The following PLPPR1 variants were observed in gnomAD, a reference collection of about 807,000 sequenced individuals.
PLPPR1 encodes the protein phospholipid phosphatase related 1, also known as phospholipid phosphatase-related protein type 1.
Under a neutral mutation model 33.1 loss-of-function variants are expected in PLPPR1, and 10 were observed. The ratio of observed to expected loss-of-function variants is 0.30; its 90% confidence interval spans 0.19 to 0.51. The LOEUF (loss-of-function observed/expected upper bound fraction) is 0.51. Among genes scored for constraint, PLPPR1 ranks in the 20% least tolerant of loss-of-function variants. The pLI is 0.97. For missense variants in PLPPR1, 304 were observed against 408.1 expected (o/e 0.74, Z 2.20); for synonymous variants, 151 against 151.0 (o/e 1.00, Z 0.00).
chr9:101,038,676 A>G (rs1032809117), intron 1 of PLPPR1, among the ~76,000 whole-genome samples: 4 of 152,118 alleles, frequency 2.6e-5, no homozygotes, highest in Non-Finnish European at 5.9e-5. Context: ...CAACCCCCAC[A>G]TCAAGAAGAG....
At chr9:101,292,227 G>A (rs1387007225) in intron 4 of PLPPR1, among the ~76,000 whole-genome samples, 1 of 151,984 alleles carries the variant, frequency 6.6e-6, no homozygotes, top group Non-Finnish European at 1.5e-5. Context: ...GAAGTGAGAA[G>A]GAAAATTTAG....
At chr9:101,069,264 G>C (rs758324448) in intron 1 of PLPPR1, among the ~76,000 whole-genome samples, 30 of 152,086 alleles carry the variant, frequency 2.0e-4, no homozygotes, top group Non-Finnish European at 3.7e-4. Flanking sequence ...CAACCAACAT[G>C]TTAGATATAA....
At chr9:101,208,448 A>G (rs968968683) in intron 2 of PLPPR1, among the ~76,000 whole-genome samples, 6 of 152,154 alleles carry the variant, frequency 3.9e-5, no homozygotes, top group African/African-American at 1.4e-4. Flanking sequence ...ATTTTCGTCA[A>G]TTTGTGCTGA....
intron 1 of PLPPR1, among the ~76,000 whole-genome samples, chr9:101,055,788 C>T (rs374228448): frequency 2.0e-5 from 3 of 152,162 alleles, no homozygotes; most frequent in South Asian, 4.1e-4. Flanking sequence ...CCACATCACA[C>T]GGGTAGGATG....
chr9:101,207,108 C>T (rs1413025715), intron 2 of PLPPR1, among the ~76,000 whole-genome samples: 1 of 151,968 alleles, frequency 6.6e-6, no homozygotes, highest in African/African-American at 2.4e-5. Flanking sequence ...TTTTTATTTG[C>T]CTACTTTTTT....
intron 2 of PLPPR1, among the ~76,000 whole-genome samples, chr9:101,224,299 G>A (rs1199120507): frequency 6.6e-6 from 1 of 152,124 alleles, no homozygotes; most frequent in Non-Finnish European, 1.5e-5. Flanking sequence ...GGGGATGCCA[G>A]GATCATATCC....
intron 2 of PLPPR1, among the ~76,000 whole-genome samples, chr9:101,225,496 A>G (rs1827045286): frequency 6.6e-6 from 1 of 152,166 alleles, no homozygotes; most frequent in Admixed American, 6.5e-5. Context: ...CTGCCATACA[A>G]GGATTTACCC....
At chr9:101,094,568 TA>T (rs1830790267) in intron 1 of PLPPR1, among the ~76,000 whole-genome samples, 1 of 152,214 alleles carries the variant, frequency 6.6e-6, no homozygotes, top group Non-Finnish European at 1.5e-5. Context: ...TTTATTTTCC[TA>T]TATCCCTCAA....
intron 4 of PLPPR1, among the ~76,000 whole-genome samples, chr9:101,292,349 C>G (rs374803906): frequency 0.02 from 3,024 of 152,222 alleles, 42 homozygotes; most frequent in Middle Eastern, 0.068. Context: ...AGAATGGAAC[C>G]AAGTTGGAAA....
intron 1 of PLPPR1, among the ~76,000 whole-genome samples, chr9:101,087,182 A>C (rs1051323775): frequency 2.7e-5 from 4 of 147,658 alleles, no homozygotes; most frequent in Admixed American, 6.8e-5. Context: ...ACTCTGTCTC[A>C]AAAAAAAAAA....
intron 2 of PLPPR1, among the ~76,000 whole-genome samples, chr9:101,246,615 C>A (rs1162013859): frequency 6.6e-6 from 1 of 151,920 alleles, no homozygotes; most frequent in East Asian, 1.9e-4. Context: ...GAGTCTGGTG[C>A]CTTAATCACA....
intron 1 of PLPPR1, among the ~76,000 whole-genome samples, chr9:101,047,707 G>A (rs542554538): frequency 6.6e-6 from 1 of 152,200 alleles, no homozygotes; most frequent in East Asian, 1.9e-4. Flanking sequence ...CTCAGTACCT[G>A]TGCTTTTTAA....
intron 1 of PLPPR1, among the ~76,000 whole-genome samples, chr9:101,142,604 C>G (rs1831465387): frequency 6.6e-6 from 1 of 152,180 alleles, no homozygotes; most frequent in Non-Finnish European, 1.5e-5. Flanking sequence ...CCCTATTTAA[C>G]TTGAGGACAT....
Position 101,078,181 on chromosome 9 carries a change from AGAAGAG to A in PLPPR1, c.-46+49082_-46+49087del, listed in dbSNP as rs1442097982. Among the ~76,000 whole-genome samples the A allele has an allele frequency of 8.8e-3, 161 of 18,298 alleles. 8 individuals are homozygous for A. The highest frequency in any genetic ancestry group is 0.015 in the South Asian group (3 of 196). 12.0% of individuals were successfully genotyped at this position (18,298 alleles called of 152,430 possible). On this transcript the variant is annotated intron_variant, in intron 1 of 7. Coordinates refer to ENST00000374874, the MANE Select transcript of PLPPR1 (RefSeq NM_207299.2). The stretch of plus-strand genomic sequence containing the variant: ...AAGAAGAAGAAGAAGAAGAAGAAGA[AGAAGAG>A]GAGGGGGGGAGGGGGAGGGGGAGGG...
intron 1 of PLPPR1, among the ~76,000 whole-genome samples, chr9:101,143,065 A>G (rs1024181261): frequency 6.6e-6 from 1 of 152,100 alleles, no homozygotes; most frequent in African/African-American, 2.4e-5. Flanking sequence ...GGATGGATCA[A>G]TGGCTTTCTT....
chr9:101,060,014 T>C (rs1298267208), intron 1 of PLPPR1, among the ~76,000 whole-genome samples: 5 of 152,098 alleles, frequency 3.3e-5, no homozygotes. Flanking sequence ...AAGATACCTG[T>C]ATTTTCATGT....
chr9:101,244,158 G>A (rs1200907387), intron 2 of PLPPR1, among the ~76,000 whole-genome samples: 2 of 151,936 alleles, frequency 1.3e-5, no homozygotes, highest in East Asian at 3.9e-4. Flanking sequence ...TCAATTAGGA[G>A]GTTATTGATG....
chr9:101,266,428 T>G (rs55993388), intron 2 of PLPPR1, among the ~76,000 whole-genome samples: 44,369 of 130,356 alleles, frequency 0.34, 8,586 homozygotes, highest in African/African-American at 0.49. Flanking sequence ...AAGAAAGAAA[T>G]AAAGAAAAAG....
chr9:101,263,814 A>G (rs950383109), intron 2 of PLPPR1, among the ~76,000 whole-genome samples: 1 of 152,336 alleles, frequency 6.6e-6, no homozygotes, highest in East Asian at 1.9e-4. Flanking sequence ...GGGCAGATGA[A>G]GAGTTAATTT....
Sources: gnomAD v4.1 joint callset for allele counts (sites outside exome capture counted in the v4.1 genomes callset) on GRCh38, gnomAD v4.1.1 for gene constraint, MANE v1.5 for transcripts, NCBI Gene and HGNC (gene_info 2026-07-23, HGNC 2026-07-21) for gene names.